Variants in FAT3 observed in about 807,000 individuals in gnomAD.
FAT3 encodes the protein FAT atypical cadherin 3.
In FAT3, 95 loss-of-function variants were observed where a neutral mutation model predicts 310.2. That is an observed-to-expected ratio of 0.31 (90% CI 0.26 to 0.36). The LOEUF is 0.36. Among genes scored for constraint, FAT3 ranks in the 10% least tolerant of loss-of-function variants. The pLI, the probability that FAT3 is intolerant of heterozygous loss-of-function variation, is 1.00. For synonymous variants in FAT3, 2,314 were observed against 2,192.9 expected (o/e 1.06, Z -1.54); for missense variants, 5,408 against 5,715.6 (o/e 0.95, Z 1.74).
chr11:92,638,482 G>T (rs1301896311), intron 3 of FAT3, among the ~76,000 whole-genome samples: 1 of 152,146 alleles, frequency 6.6e-6, no homozygotes, highest in Non-Finnish European at 1.5e-5. Flanking sequence ...AAAATAAGCT[G>T]TATTGTGAAT....
intron 3 of FAT3, among the ~76,000 whole-genome samples, chr11:92,542,848 C>A (rs111541123): frequency 2.9e-4 from 44 of 152,104 alleles, no homozygotes; most frequent in African/African-American, 1.0e-3. Context: ...GAAATGAAAT[C>A]GGTATATTGA....
intron 1 of FAT3, among the ~76,000 whole-genome samples, chr11:92,233,116 AG>A (rs1273880714): frequency 6.6e-6 from 1 of 152,206 alleles, no homozygotes; most frequent in Non-Finnish European, 1.5e-5. Flanking sequence ...AACTGCAGTT[AG>A]TAAAGAGAGA....
chr11:92,480,081 C>A (rs371613627), intron 2 of FAT3, among the ~76,000 whole-genome samples: 25 of 152,102 alleles, frequency 1.6e-4, no homozygotes, highest in African/African-American at 5.5e-4. Context: ...CTGGCTAACA[C>A]GGTGAAACCC....
At chr11:92,417,723 C>T (rs972146110) in intron 2 of FAT3, among the ~76,000 whole-genome samples, 1 of 152,110 alleles carries the variant, frequency 6.6e-6, no homozygotes, top group African/African-American at 2.4e-5. Flanking sequence ...AGTCTTAAAC[C>T]ACTCTTGATG....
At chr11:92,623,836 G>A (rs1613721) in intron 3 of FAT3, among the ~76,000 whole-genome samples, 43,587 of 151,836 alleles carry the variant, frequency 0.29, 6,617 homozygotes, top group Non-Finnish European at 0.33. Context: ...CCAGCTACTC[G>A]GGAGGCTGAG....
At chr11:92,311,355 C>T (rs1947300461) in intron 1 of FAT3, among the ~76,000 whole-genome samples, 1 of 152,044 alleles carries the variant, frequency 6.6e-6, no homozygotes, top group South Asian at 2.1e-4. Context: ...GGACGGAGAT[C>T]CCTTTAATGA....
intron 1 of FAT3, among the ~76,000 whole-genome samples, chr11:92,255,155 A>G (rs533924930): frequency 6.6e-6 from 1 of 152,228 alleles, no homozygotes; most frequent in African/African-American, 2.4e-5. Context: ...CCCTATGAAG[A>G]GCATGAGAGA....
intron 3 of FAT3, among the ~76,000 whole-genome samples, chr11:92,581,543 C>T (rs1020204513): frequency 6.6e-6 from 1 of 151,992 alleles, no homozygotes; most frequent in Non-Finnish European, 1.5e-5. Context: ...GATTTTTACC[C>T]CTTCTTATGC....
intron 2 of FAT3, among the ~76,000 whole-genome samples, chr11:92,441,662 C>CA (rs996713777): frequency 1.3e-5 from 2 of 151,912 alleles, no homozygotes; most frequent in Non-Finnish European, 2.9e-5. Flanking sequence ...CAAAACAAAA[C>CA]AAAAAAACTA....
At chr11:92,250,800 T>A (rs1865106487) in intron 1 of FAT3, among the ~76,000 whole-genome samples, 1 of 152,084 alleles carries the variant, frequency 6.6e-6, no homozygotes, top group Non-Finnish European at 1.5e-5. Flanking sequence ...TTCAGAACCA[T>A]TTTTTGTATT....
At chr11:92,489,806 C>G (rs778848365) in intron 2 of FAT3, among the ~76,000 whole-genome samples, 5 of 151,938 alleles carry the variant, frequency 3.3e-5, no homozygotes, top group South Asian at 2.1e-4. Context: ...TGACACAGCT[C>G]TCTGCAGAAG....
chr11:92,733,649 G>T (rs927009870), intron 4 of FAT3, among the ~76,000 whole-genome samples: 2 of 152,076 alleles, frequency 1.3e-5, no homozygotes, highest in African/African-American at 4.8e-5. Context: ...AAAGCATGGT[G>T]GTCCCTAGGT....
chr11:92,664,816 A>G (rs1345795431), intron 3 of FAT3, among the ~76,000 whole-genome samples: 3 of 152,162 alleles, frequency 2.0e-5, no homozygotes, highest in Admixed American at 6.5e-5. Context: ...CTTCTTTGCA[A>G]TTTGAAGTGG....
chr11:92,530,478 C>G (rs1053153196), intron 3 of FAT3, among the ~76,000 whole-genome samples: 1 of 152,102 alleles, frequency 6.6e-6, no homozygotes, highest in Non-Finnish European at 1.5e-5. Context: ...CCAAAATCAA[C>G]TCCCATATCC....
intron 4 of FAT3, among the ~76,000 whole-genome samples, chr11:92,741,282 C>G (rs1250784511): frequency 6.6e-6 from 1 of 152,172 alleles, no homozygotes; most frequent in East Asian, 1.9e-4. Flanking sequence ...TTCAGGCAAT[C>G]CTCCCACCAC....
intron 1 of FAT3, among the ~76,000 whole-genome samples, chr11:92,339,194 C>T (rs1016544599): frequency 5.3e-5 from 8 of 152,072 alleles, no homozygotes; most frequent in Admixed American, 4.6e-4. Flanking sequence ...TGGGGGCTGT[C>T]CTGGGTAGGA....
chr11:92,821,282 A>G (rs1384923997), intron 13 of FAT3, among the ~76,000 whole-genome samples: 1 of 152,200 alleles, frequency 6.6e-6, no homozygotes, highest in Non-Finnish European at 1.5e-5. Context: ...ACTTCAGCCT[A>G]ATGCTTTTTT....
chr11:92,705,412 ATGGTGGTAG>A (rs1944252823), intron 4 of FAT3, among the ~76,000 whole-genome samples: 2 of 31,698 alleles, frequency 6.3e-5, no homozygotes, highest in Admixed American at 3.9e-4. Context: ...GGTGGTGGTG[ATGGTGGTAG>A]TGGTGGTGGT....
rs766248015 is a variant in FAT3, at chr11:92,866,882, G to A, written c.11800G>A (p.Asp3934Asn). ...CCGCAATTTCACGAGCCTGTCCCTG[G>A]ATGACAGCTACGTGGAGCGGCGCCG... ...LNRNFTSLSL[D>N]DSYVERRRAP... The change falls in exon 22 of 28, where the codon GAT becomes AAT. Residue 3934 changes from aspartate (D) to asparagine (N), a missense_variant. Around this residue, in one of 5 missense-constraint regions of FAT3, gnomAD observed 4,588 missense variants for 4,809.8 expected, o/e 0.95. Transcript: ENST00000525166. The A allele has an allele frequency of 2.5e-6, 4 of 1,613,996 alleles. No individual in the cohort carries two copies. In the South Asian group the frequency reaches 4.4e-5, roughly 18 times the overall value.
Sources: gnomAD v4.1 joint callset for allele counts (sites outside exome capture counted in the v4.1 genomes callset) on GRCh38, gnomAD v4.1.1 for gene constraint, gnomAD v4.1.1 regional missense constraint, MANE v1.5 for transcripts, NCBI Gene and HGNC (gene_info 2026-07-23, HGNC 2026-07-21) for gene names.